The following DTNB variants were observed in gnomAD, a reference collection of about 807,000 sequenced individuals.
DTNB encodes the protein DTN-B.
A neutral mutation model predicts 90.7 loss-of-function variants in DTNB; 63 were observed. The observed-to-expected ratio is 0.69, with a 90% CI of 0.57 to 0.86. The LOEUF (loss-of-function observed/expected upper bound fraction) is 0.86, where lower values mean the gene tolerates loss of function less well. Ranked by LOEUF, DTNB falls within the 40% of genes least tolerant of loss-of-function variation. The probability of loss-of-function intolerance (pLI) is 0.00; values close to 1 mark genes in which losing one functional copy is unlikely to be tolerated. For synonymous variants in DTNB, 277 were observed against 286.7 expected, an observed-to-expected ratio of 0.97 and a Z score of 0.34; for missense variants, 744 against 807.1, an observed-to-expected ratio of 0.92 and a Z score of 0.95.
intron 1 of DTNB, 169 bp from the exon 2 acceptor site, chr2:25,652,830 T>C (rs2081234904): frequency 1.9e-6 from 1 of 535,402 alleles, no homozygotes; most frequent in Non-Finnish European, 3.2e-6. Context: ...TAAACTGCCA[T>C]CCTTTTATTT....
intron 9 of DTNB, among the ~76,000 whole-genome samples, chr2:25,524,900 G>C (rs978367013): frequency 1.3e-5 from 2 of 152,024 alleles, no homozygotes; most frequent in Admixed American, 1.3e-4. Flanking sequence ...ATTATTACTC[G>C]TGCTATCCTG....
At chr2:25,530,338 G>A (rs968137102) in intron 9 of DTNB, among the ~76,000 whole-genome samples, 1 of 152,166 alleles carries the variant, frequency 6.6e-6, no homozygotes, top group African/African-American at 2.4e-5. Context: ...TTGTGAGGCT[G>A]AAGTGGGAGG....
At position 25,450,169 on chromosome 2, in the gene DTNB, T is replaced by C. The variant is rs80120217; in HGVS notation, c.1257+1379A>G. 3.4e-4 allele frequency among the ~76,000 whole-genome samples: 52 copies of C among 152,302 alleles called. 1 individual carries two copies. In the East Asian group the frequency reaches 9.8e-3, roughly 29 times the overall value. ...TCCTATACTTTTAGTAGCTTTATGG[T>C]TTTAGCTTTTATGTTTAAGTTTATG... On this transcript the variant is annotated intron_variant, in intron 12 of 20. Transcript: ENST00000406818.
intron 8 of DTNB, among the ~76,000 whole-genome samples, chr2:25,567,825 A>G (rs1238126157): frequency 1.3e-5 from 2 of 152,220 alleles, no homozygotes; most frequent in Non-Finnish European, 2.9e-5. Context: ...GAAGGCAGAG[A>G]AGGAGGCATA....
intron 19 of DTNB, among the ~76,000 whole-genome samples, chr2:25,380,460 A>T (rs1057234612): frequency 6.6e-6 from 1 of 151,846 alleles, no homozygotes; most frequent in Non-Finnish European, 1.5e-5. Flanking sequence ...AACATAAAAA[A>T]CTCTACCATC....
At chr2:25,504,709 T>C (rs1433749778) in intron 9 of DTNB, among the ~76,000 whole-genome samples, 2 of 152,126 alleles carry the variant, frequency 1.3e-5, no homozygotes, top group Admixed American at 6.5e-5. Flanking sequence ...TAAAACATCA[T>C]TGAAAGAAAG....
intron 9 of DTNB, among the ~76,000 whole-genome samples, chr2:25,507,164 C>A (rs1252656728): frequency 6.6e-6 from 1 of 152,158 alleles, no homozygotes; most frequent in Non-Finnish European, 1.5e-5. Flanking sequence ...CCACACATAT[C>A]CCTGAAAGTG....
chr2:25,405,299 G>C (rs2044819032), intron 16 of DTNB, among the ~76,000 whole-genome samples: 1 of 152,174 alleles, frequency 6.6e-6, no homozygotes, highest in Admixed American at 6.5e-5. Flanking sequence ...CTGGCACTTT[G>C]GGAGGCTGAG....
At chr2:25,526,244 ATGCCATACACTG>A in intron 9 of DTNB, among the ~76,000 whole-genome samples, 1 of 151,618 alleles carries the variant, frequency 6.6e-6, no homozygotes, top group East Asian at 1.9e-4. Flanking sequence ...TGGGGGAAAC[ATGCCATACACTG>A]TGGCATTATA....
intron 9 of DTNB, among the ~76,000 whole-genome samples, chr2:25,488,108 C>T (rs2066564625): frequency 6.6e-6 from 1 of 152,054 alleles, no homozygotes; most frequent in Admixed American, 6.5e-5. Context: ...GGAATCTTTG[C>T]CCCACATAAT....
At chr2:25,498,847 C>CAAAAAAAAAAA (rs34017287) in intron 9 of DTNB, among the ~76,000 whole-genome samples, 1 of 65,020 alleles carries the variant, frequency 1.5e-5, no homozygotes, top group African/African-American at 6.0e-5. Context: ...AACCCTGTCT[C>CAAAAAAAAAAA]AAAAAAAAAA....
At chr2:25,510,992 G>A (rs2073818752) in intron 9 of DTNB, among the ~76,000 whole-genome samples, 2 of 152,220 alleles carry the variant, frequency 1.3e-5, no homozygotes, top group East Asian at 3.9e-4. Context: ...TTCTCTTTTA[G>A]GCCTTTGTTC....
rs2081193988 is a variant in DTNB, at chr2:25,652,667, G to A, written c.-1-6C>T. 6.2e-7 allele frequency: 1 copy of A among 1,610,072 alleles called. No homozygotes were observed. The highest frequency in any genetic ancestry group is 1.7e-5 in the Admixed American group (1 of 59,456). ...TCCCACTTTCCTCAATCATCCTAGA[G>A]ACAAAGAAAGATACAATAAACCACT... is the stretch of plus-strand genomic sequence containing the variant. On this transcript the variant is annotated splice_region_variant and splice_polypyrimidine_tract_variant and intron_variant, in intron 1 of 20. Coordinates refer to ENST00000406818, the MANE Select transcript of DTNB (RefSeq NM_021907.5).
rs191995026 is a variant in DTNB at position 25,455,316 on chromosome 2, T to C, written c.1169+89A>G. 17 of 1,263,028 alleles carry C rather than the reference T, an allele frequency of 1.3e-5. No individual in the cohort carries two copies. In the East Asian group the frequency reaches 3.8e-4, roughly 28 times the overall value. 78.2% of individuals were successfully genotyped at this position (1,263,028 alleles called of 1,614,324 possible). A position where few individuals can be genotyped will look rare whatever the true frequency, so the allele number is the denominator to read the frequency against. Reference sequence around the variant, plus strand: ...TGCTCAAGAAAAACCTGACATGCAGTTTTTTTTCCAGCTGACAACCCCAGG... The same window carrying C: ...TGCTCAAGAAAAACCTGACATGCAGCTTTTTTTCCAGCTGACAACCCCAGG... On this transcript the variant is annotated intron_variant, in intron 11 of 20. Transcript: ENST00000406818.
chr2:25,633,732 C>G (rs1344383724), intron 3 of DTNB, among the ~76,000 whole-genome samples: 16 of 152,050 alleles, frequency 1.1e-4, no homozygotes, highest in African/African-American at 3.6e-4. Context: ...CGCCTCTTCC[C>G]GACCGCCATC....
chr2:25,593,532 G>A lies in DTNB; in HGVS notation c.603+2554C>T, dbSNP rs944147580. ...TTTTTTCTTTTTTAACATTTTCATG[G>A]ACTGAGATAAACTTCTCTTTTCCAA... On this transcript the variant is annotated intron_variant, in intron 6 of 20. Transcript: ENST00000406818. 2.0e-5 allele frequency among the ~76,000 whole-genome samples: 3 copies of A among 152,056 alleles called. No individual in the cohort carries two copies. The South Asian group carries it at 6.2e-4, about 32-fold the overall frequency.
chr2:25,617,903 T>C (rs1291683919), intron 4 of DTNB, among the ~76,000 whole-genome samples: 1 of 152,076 alleles, frequency 6.6e-6, no homozygotes, highest in East Asian at 1.9e-4. Flanking sequence ...AAGAAACTTA[T>C]TAAAGATACC....
intron 16 of DTNB, among the ~76,000 whole-genome samples, chr2:25,404,496 AAGG>A (rs1025626448): frequency 2.0e-5 from 3 of 152,110 alleles, no homozygotes; most frequent in South Asian, 2.1e-4. Context: ...TGTAGCAGGA[AAGG>A]AGAAGTGTCG....
chr2:25,637,081 A>G (rs1416870342), intron 3 of DTNB, among the ~76,000 whole-genome samples: 1 of 152,170 alleles, frequency 6.6e-6, no homozygotes, highest in Non-Finnish European at 1.5e-5. Context: ...GATCTTTGAC[A>G]AACCTGACGA....
Sources: gnomAD v4.1 joint callset for allele counts (sites outside exome capture counted in the v4.1 genomes callset) on GRCh38, gnomAD v4.1.1 for gene constraint, MANE v1.5 for transcripts, NCBI Gene and HGNC (gene_info 2026-07-23, HGNC 2026-07-21) for gene names.